Variants in PID1 observed in about 807,000 individuals in gnomAD.
The protein encoded by PID1 is phosphotyrosine interaction domain containing 1.
Under a neutral mutation model 19.1 loss-of-function variants are expected in PID1, and 10 were observed. The ratio of observed to expected loss-of-function variants is 0.52; its 90% CI spans 0.32 to 0.89. PID1 has a LOEUF of 0.89. Among genes scored for constraint, PID1 ranks in the 40% least tolerant of loss-of-function variants. The pLI, the probability that PID1 is intolerant of heterozygous loss-of-function variation, is 0.03. For missense variants in PID1, 248 were observed against 285.3 expected (o/e 0.87, Z 0.94); for synonymous variants, 130 against 116.0 (o/e 1.12, Z -0.78).
rs150624048 is a variant in PID1, at chr2:229,249,011, C to T, written c.30+22003G>A. On this transcript the variant is annotated intron_variant, in intron 1 of 2. Transcript: ENST00000392055. The stretch of plus-strand genomic sequence containing the variant: ...GAAAAGCAACCTAAAACTTTCTCCC[C>T]CATCTGAAAGCCCACCAGAAAACAG... 2.5e-3 allele frequency among the ~76,000 whole-genome samples: 378 copies of T among 152,278 alleles called. 1 individual carries two copies. Among genetic ancestry groups the T allele is most frequent in the African/African-American group, 8.5e-3 (352 of 41,554 alleles).
intron 1 of PID1, among the ~76,000 whole-genome samples, chr2:229,242,882 C>T (rs1202703569): frequency 6.6e-6 from 1 of 152,104 alleles, no homozygotes; most frequent in Non-Finnish European, 1.5e-5. Context: ...ACCCTTCAGC[C>T]TCATGTGATG....
chr2:229,074,869 A>C (rs996544824), intron 2 of PID1, among the ~76,000 whole-genome samples: 1 of 152,226 alleles, frequency 6.6e-6, no homozygotes, highest in Non-Finnish European at 1.5e-5. Flanking sequence ...AGTTTTAAAA[A>C]TGCGGGGACA....
chr2:229,162,699 T>C (rs1445919197), intron 1 of PID1, among the ~76,000 whole-genome samples: 1 of 152,232 alleles, frequency 6.6e-6, no homozygotes, highest in Non-Finnish European at 1.5e-5. Flanking sequence ...ACATTCTATT[T>C]ATAATCATGC....
At chr2:229,216,212 T>C (rs909098319) in intron 1 of PID1, among the ~76,000 whole-genome samples, 1 of 152,194 alleles carries the variant, frequency 6.6e-6, no homozygotes, top group African/African-American at 2.4e-5. Flanking sequence ...TTAAAATAGC[T>C]AACAGCAACT....
chr2:229,031,032 A>G (rs948741063), intron 2 of PID1, among the ~76,000 whole-genome samples: 1 of 151,842 alleles, frequency 6.6e-6, no homozygotes. Flanking sequence ...CCTGGCCAAT[A>G]TGGTGAAACC....
chr2:229,054,462 G>A (rs981254440), intron 2 of PID1, among the ~76,000 whole-genome samples: 1 of 152,198 alleles, frequency 6.6e-6, no homozygotes, highest in Non-Finnish European at 1.5e-5. Flanking sequence ...GGAACATTTG[G>A]TGGGAATGAG....
intron 1 of PID1, among the ~76,000 whole-genome samples, chr2:229,251,673 T>G (rs1690154173): frequency 1.3e-5 from 2 of 152,154 alleles, no homozygotes; most frequent in South Asian, 4.1e-4. Context: ...ATTTTCATAT[T>G]TACCATTAGG....
At chr2:229,092,651 C>T (rs934712380) in intron 2 of PID1, among the ~76,000 whole-genome samples, 3 of 152,018 alleles carry the variant, frequency 2.0e-5, no homozygotes, top group South Asian at 2.1e-4. Flanking sequence ...AAGTGCTGAC[C>T]GAGAGCTTTT....
intron 2 of PID1, among the ~76,000 whole-genome samples, chr2:229,142,970 G>C (rs1690047833): frequency 6.7e-6 from 1 of 149,138 alleles, no homozygotes; most frequent in Non-Finnish European, 1.5e-5. Flanking sequence ...TGATAGACTG[G>C]ATTAAGAAAA....
intron 1 of PID1, among the ~76,000 whole-genome samples, chr2:229,179,563 C>G (rs1690895095): frequency 6.6e-6 from 1 of 152,154 alleles, no homozygotes; most frequent in Non-Finnish European, 1.5e-5. Context: ...AAAAAGAGCT[C>G]ATAGCGTCCA....
At chr2:229,120,061 C>T (rs946017441) in intron 2 of PID1, among the ~76,000 whole-genome samples, 3 of 152,200 alleles carry the variant, frequency 2.0e-5, no homozygotes, top group Admixed American at 6.5e-5. Flanking sequence ...GACAGCAGAC[C>T]GTGGGACTTA....
intron 1 of PID1, among the ~76,000 whole-genome samples, chr2:229,258,714 C>T (rs962733396): frequency 2.6e-5 from 4 of 152,128 alleles, no homozygotes; most frequent in East Asian, 1.9e-4. Context: ...AAAAATTAGC[C>T]GGGCCTACGT....
rs377541228 is a variant in PID1 at position 229,076,372 on chromosome 2, T to C, written c.178-50264A>G. 7.9e-5 allele frequency among the ~76,000 whole-genome samples: 12 copies of C among 152,198 alleles called. No individual in the cohort carries two copies. In the East Asian group the frequency reaches 2.1e-3, roughly 27 times the overall value. ...TCCTGCTGCCCTTTGTGAAACTCTT[T>C]CTTGGGTTTTTGTTTTTTTTTTACT... On this transcript the variant is annotated intron_variant, in intron 2 of 2. Coordinates refer to ENST00000392055, the MANE Select transcript of PID1 (RefSeq NM_001100818.2).
At position 229,095,260 on chromosome 2, in the gene PID1, C is replaced by A. The variant is rs146028955; in HGVS notation, c.177+60558G>T. Among the ~76,000 whole-genome samples the A allele has an allele frequency of 5.9e-3, 901 of 152,048 alleles. 13 individuals are homozygous for A. Among genetic ancestry groups the A allele is most frequent in the African/African-American group, 0.021 (852 of 41,474 alleles). On this transcript the variant is annotated intron_variant, in intron 2 of 2. Coordinates refer to ENST00000392055, the MANE Select transcript of PID1 (RefSeq NM_001100818.2). ...AATTTAGGTTTTTGCATTTCAAGGC[C>A]AAAATGAGGGAAAAATGCTTAACAC...
chr2:229,193,666 G>A (rs548890341), intron 1 of PID1, among the ~76,000 whole-genome samples: 190 of 151,990 alleles, frequency 1.3e-3, no homozygotes, highest in Non-Finnish European at 2.3e-3. Flanking sequence ...TTGTTATGTC[G>A]TGTGTGTGAG....
intron 1 of PID1, among the ~76,000 whole-genome samples, chr2:229,185,633 C>G (rs2079994): frequency 0.89 from 135,369 of 152,008 alleles, 60,419 homozygotes; most frequent in African/African-American, 0.94. Flanking sequence ...AGAGCTTGTG[C>G]AGGAAAACTC....
At chr2:229,115,919 G>C (rs966668662) in intron 2 of PID1, among the ~76,000 whole-genome samples, 1 of 151,978 alleles carries the variant, frequency 6.6e-6, no homozygotes, top group East Asian at 1.9e-4. Context: ...TAGCTTCCAG[G>C]TGAAATATTT....
intron 2 of PID1, among the ~76,000 whole-genome samples, chr2:229,106,306 C>A (rs956232873): frequency 6.6e-6 from 1 of 152,144 alleles, no homozygotes; most frequent in Non-Finnish European, 1.5e-5. Context: ...ATGATTACCA[C>A]TTTGAGAGCA....
intron 2 of PID1, among the ~76,000 whole-genome samples, chr2:229,064,740 A>G (rs1374842606): frequency 6.6e-6 from 1 of 152,152 alleles, no homozygotes; most frequent in Non-Finnish European, 1.5e-5. Context: ...CTTTGATGAA[A>G]AGAAGTCTGA....
Sources: allele counts gnomAD v4.1 joint callset (sites outside exome capture counted in the v4.1 genomes callset), GRCh38; gene constraint gnomAD v4.1.1; transcripts MANE v1.5; gene names NCBI Gene and HGNC (gene_info 2026-07-23, HGNC 2026-07-21).